The following DLG2 variants were observed in gnomAD, a reference collection of about 807,000 sequenced individuals.
The protein encoded by DLG2 is disks large homolog 2.
DLG2 carries 45 observed loss-of-function variants against 132.5 expected under a neutral mutation model. The observed-to-expected ratio is 0.34, with a 90% CI of 0.27 to 0.44. The LOEUF (loss-of-function observed/expected upper bound fraction) is 0.44, where lower values mean the gene tolerates loss of function less well. Among genes scored for constraint, DLG2 ranks in the 20% least tolerant of loss-of-function variants. DLG2 has a pLI of 1.00. For synonymous variants in DLG2, 424 were observed against 419.6 expected, an observed-to-expected ratio of 1.01 and a Z score of -0.13; for missense variants, 1,045 against 1,196.9, an observed-to-expected ratio of 0.87 and a Z score of 1.87.
At chr11:84,258,412 T>C (rs1057010450) in intron 7 of DLG2, among the ~76,000 whole-genome samples, 3 of 152,204 alleles carry the variant, frequency 2.0e-5, no homozygotes, top group African/African-American at 7.2e-5. Flanking sequence ...GATCTCACAA[T>C]TACATAGTAT....
At chr11:84,664,939 G>T (rs1223700356) in intron 6 of DLG2, among the ~76,000 whole-genome samples, 1 of 152,088 alleles carries the variant, frequency 6.6e-6, no homozygotes, top group Non-Finnish European at 1.5e-5. Context: ...GCTTTGGTCA[G>T]TGGAATATGA....
At chr11:85,414,766 A>G (rs1329481269) in intron 3 of DLG2, among the ~76,000 whole-genome samples, 1 of 151,892 alleles carries the variant, frequency 6.6e-6, no homozygotes, top group Non-Finnish European at 1.5e-5. Flanking sequence ...TGTTTTATAA[A>G]TTGGGTAGCT....
chr11:85,463,293 G>T (rs1479457325), intron 3 of DLG2, among the ~76,000 whole-genome samples: 2 of 152,134 alleles, frequency 1.3e-5, no homozygotes, highest in Non-Finnish European at 2.9e-5. Flanking sequence ...AAAAATGAAA[G>T]TTCAATCAGA....
chr11:84,502,275 CTTCCTTCTTTCTTTCTTTCT>C (rs1567804895), intron 7 of DLG2, among the ~76,000 whole-genome samples: 1 of 21,110 alleles, frequency 4.7e-5, no homozygotes, highest in Non-Finnish European at 7.5e-5. Context: ...TCCTTCCTTC[CTTCCTTCTTTCTTTCTTTCT>C]TTCTTTCTTT....
rs1042228919 is a variant in DLG2, at chr11:85,491,903, G to A, written c.40+106754C>T. ...CAGAAATAAAAAAATCGTAAAATTC[G>A]TGTGAAACTACAAAAGGCCCTGAAT... On this transcript the variant is annotated intron_variant, in intron 3 of 27. Transcript: ENST00000376104. Among the ~76,000 whole-genome samples the A allele has an allele frequency of 3.3e-5, 5 of 152,038 alleles. No individual in the cohort carries two copies. The East Asian group carries it at 5.8e-4, about 18-fold the overall frequency.
At chr11:85,599,466 G>A (rs1197971251) in intron 2 of DLG2, among the ~76,000 whole-genome samples, 2 of 151,894 alleles carry the variant, frequency 1.3e-5, no homozygotes, top group African/African-American at 4.8e-5. Context: ...GAATCAGCGT[G>A]CTATCTTGAA....
chr11:85,296,274 A>C (rs1389686024), intron 3 of DLG2, among the ~76,000 whole-genome samples: 1 of 152,114 alleles, frequency 6.6e-6, no homozygotes, highest in East Asian at 1.9e-4. Context: ...AGTCCAATTA[A>C]ACAACTCATA....
At chr11:85,474,843 A>T (rs1436657068) in intron 3 of DLG2, among the ~76,000 whole-genome samples, 1 of 151,612 alleles carries the variant, frequency 6.6e-6, no homozygotes, top group Admixed American at 6.6e-5. Context: ...TACCATATTG[A>T]CAGTGAAGTT....
At chr11:84,268,538 T>C (rs2097676356) in intron 7 of DLG2, among the ~76,000 whole-genome samples, 1 of 149,988 alleles carries the variant, frequency 6.7e-6, no homozygotes, top group African/African-American at 2.5e-5. Flanking sequence ...CTCGGCTCAC[T>C]GCAAGCTCCA....
At chr11:85,434,835 T>C (rs7113746) in intron 3 of DLG2, among the ~76,000 whole-genome samples, 87,090 of 151,984 alleles carry the variant, frequency 0.57, 25,851 homozygotes, top group Middle Eastern at 0.73. Context: ...GCCAGCATCA[T>C]CCTGACACCA....
chr11:83,955,865 C>T (rs2086700554), intron 14 of DLG2, among the ~76,000 whole-genome samples: 2 of 152,206 alleles, frequency 1.3e-5, no homozygotes, highest in Non-Finnish European at 2.9e-5. Flanking sequence ...CTTTGGGACT[C>T]TTGGACCTTT....
At chr11:85,304,348 G>C (rs966312769) in intron 3 of DLG2, among the ~76,000 whole-genome samples, 1 of 152,218 alleles carries the variant, frequency 6.6e-6, no homozygotes, top group Admixed American at 6.5e-5. Context: ...AGAAACTTCA[G>C]AATTAATTTA....
chr11:85,045,951 C>T (rs1183481293), intron 6 of DLG2, among the ~76,000 whole-genome samples: 5 of 152,000 alleles, frequency 3.3e-5, no homozygotes, highest in South Asian at 4.1e-4. Context: ...CGTCTCTAAA[C>T]GAATCAAATG....
Position 83,486,373 on chromosome 11 carries a change from T to A in DLG2, c.2194-2145A>T, listed in dbSNP as rs2093506505. The A allele has an allele frequency of 1.1e-5, 6 of 571,340 alleles. No homozygotes were observed. The South Asian group carries it at 1.1e-4, about 11-fold the overall frequency. The allele number at this position is 571,340 out of a possible 1,614,324, so 35.4% of individuals were successfully genotyped here. On this transcript the variant is annotated intron_variant, in intron 21 of 27. Transcript: ENST00000376104. ...ATGCAAAAAAAAAAAATTACACATT[T>A]TCATGCAAATACAAAACAATGCCAA...
At chr11:85,191,616 A>C (rs2080582363) in intron 4 of DLG2, among the ~76,000 whole-genome samples, 1 of 152,220 alleles carries the variant, frequency 6.6e-6, no homozygotes, top group Admixed American at 6.5e-5. Flanking sequence ...GAACCTTTGG[A>C]GTATGACAGC....
At chr11:84,353,066 T>A (rs778391268) in intron 7 of DLG2, among the ~76,000 whole-genome samples, 1 of 152,148 alleles carries the variant, frequency 6.6e-6, no homozygotes, top group African/African-American at 2.4e-5. Flanking sequence ...TTCAATATAT[T>A]TTCTCTCCAG....
In DLG2 at chr11:84,402,018, G is replaced by A. The variant is rs76847047; in HGVS notation, c.519+132552C>T. On this transcript the variant is annotated intron_variant, in intron 7 of 27. Coordinates refer to ENST00000376104, the MANE Select transcript of DLG2 (RefSeq NM_001142699.3). Reference sequence around the variant, plus strand: ...GTAACCTATACATTTTGAAAATTATGTTTTTAATGTCAAAAATGAAATGCA... The same window carrying A: ...GTAACCTATACATTTTGAAAATTATATTTTTAATGTCAAAAATGAAATGCA... 5.1e-4 allele frequency among the ~76,000 whole-genome samples: 78 copies of A among 152,274 alleles called. 2 individuals carry two copies. In the East Asian group the frequency reaches 0.012, roughly 24 times the overall value.
chr11:85,253,382 G>A (rs1422156764), intron 4 of DLG2, among the ~76,000 whole-genome samples: 2 of 152,164 alleles, frequency 1.3e-5, no homozygotes, highest in Non-Finnish European at 2.9e-5. Context: ...GGTGGAAACT[G>A]GAGTGAACAG....
At chr11:83,614,487 G>C (rs918510446) in intron 19 of DLG2, among the ~76,000 whole-genome samples, 1 of 152,200 alleles carries the variant, frequency 6.6e-6, no homozygotes, top group Non-Finnish European at 1.5e-5. Context: ...GGGAGGCGGA[G>C]GTGGGTGGAT....
Sources: allele counts gnomAD v4.1 joint callset (sites outside exome capture counted in the v4.1 genomes callset), GRCh38; gene constraint gnomAD v4.1.1; transcripts MANE v1.5; gene names NCBI Gene and HGNC (gene_info 2026-07-23, HGNC 2026-07-21).